STX8: variants seen among roughly 807,000 people sequenced by gnomAD.
STX8 encodes syntaxin 8, also known as syntaxin-8.
Under a neutral mutation model 37.5 loss-of-function variants are expected in STX8, and 23 were observed. The ratio of observed to expected loss-of-function variants is 0.61; its 90% confidence interval spans 0.44 to 0.87. The LOEUF (loss-of-function observed/expected upper bound fraction) is 0.87, where lower values mean the gene tolerates loss of function less well. STX8 is among the 40% of genes least tolerant of loss of function. STX8 has a pLI of 0.00. For synonymous variants in STX8, 115 were observed against 99.1 expected (o/e 1.16, Z -0.95); for missense variants, 313 against 284.7 (o/e 1.10, Z -0.71).
chr17:9,317,537 G>A (rs1324080483), intron 7 of STX8, among the ~76,000 whole-genome samples: 5 of 152,204 alleles, frequency 3.3e-5, no homozygotes, highest in Admixed American at 2.0e-4. Context: ...AGGCTGAGGC[G>A]GGCAGATCAC....
intron 6 of STX8, among the ~76,000 whole-genome samples, chr17:9,437,189 T>A (rs1904466799): frequency 6.6e-6 from 1 of 152,230 alleles, no homozygotes. Context: ...AAATATCGCG[T>A]TGCTTAAATA....
At chr17:9,339,584 G>A (rs975091687) in intron 7 of STX8, among the ~76,000 whole-genome samples, 2 of 152,112 alleles carry the variant, frequency 1.3e-5, no homozygotes, top group Admixed American at 6.5e-5. Flanking sequence ...AACCCAGGAG[G>A]TGGAGGTTGC....
In STX8 at chr17:9,571,486, G is replaced by GT. The variant is rs1339123438; in HGVS notation, c.18-3017dup. Among the ~76,000 whole-genome samples, 288 of 71,432 alleles carry GT rather than the reference G, an allele frequency of 4.0e-3. 1 individual carries two copies. Among genetic ancestry groups the GT allele is most frequent in the African/African-American group, 0.01 (271 of 26,726 alleles). 46.9% of individuals were successfully genotyped at this position (71,432 alleles called of 152,430 possible). The stretch of plus-strand genomic sequence containing the variant: ...GTACTAGTTTAGAAAAAGTAATTGG[G>GT]TCGGGGGGTGGCTGAGGCAGGAGAA... On this transcript the variant is annotated intron_variant, in intron 1 of 7. Transcript: ENST00000306357.
intron 2 of STX8, among the ~76,000 whole-genome samples, chr17:9,566,962 G>A (rs139082719): frequency 1.7e-3 from 263 of 152,310 alleles, no homozygotes; most frequent in Middle Eastern, 0.014. Flanking sequence ...TCGAGATCAT[G>A]TCCTTTGCAG....
chr17:9,411,680 G>A (rs1912983806), intron 6 of STX8, among the ~76,000 whole-genome samples: 1 of 152,156 alleles, frequency 6.6e-6, no homozygotes, highest in African/African-American at 2.4e-5. Context: ...ATTTCTGTCA[G>A]GAAGGGAGGG....
At chr17:9,250,900 G>A (rs893748043) in intron 7 of STX8, among the ~76,000 whole-genome samples, 16 of 152,122 alleles carry the variant, frequency 1.1e-4, no homozygotes, top group African/African-American at 3.4e-4. Context: ...CCAGGAGGGG[G>A]TGAGGCCCCT....
chr17:9,294,333 T>C (rs1196800342), intron 7 of STX8, among the ~76,000 whole-genome samples: 1 of 152,224 alleles, frequency 6.6e-6, no homozygotes, highest in Non-Finnish European at 1.5e-5. Flanking sequence ...TCTGAGCCCT[T>C]ACTATGTGCA....
At chr17:9,392,566 CACT>C (rs1167670643) in intron 6 of STX8, among the ~76,000 whole-genome samples, 1 of 152,124 alleles carries the variant, frequency 6.6e-6, no homozygotes, top group Non-Finnish European at 1.5e-5. Context: ...GTGACTGCAC[CACT>C]ACACTTCAGC....
intron 4 of STX8, among the ~76,000 whole-genome samples, chr17:9,512,943 A>C (rs1905061609): frequency 6.6e-6 from 1 of 152,196 alleles, no homozygotes; most frequent in Non-Finnish European, 1.5e-5. Flanking sequence ...AAAAACAAGG[A>C]AAACACTTCA....
chr17:9,477,585 A>G (rs1249643217), intron 6 of STX8, among the ~76,000 whole-genome samples: 1 of 152,256 alleles, frequency 6.6e-6, no homozygotes, highest in Non-Finnish European at 1.5e-5. Context: ...GAGCTGAGTA[A>G]TAAAATGGAT....
chr17:9,381,186 A>C lies in STX8; in HGVS notation c.542-2533T>G, dbSNP rs547891110. 5.3e-5 allele frequency among the ~76,000 whole-genome samples: 8 copies of C among 151,998 alleles called. No homozygotes were observed. In the South Asian group the frequency reaches 1.0e-3, roughly 20 times the overall value. On this transcript the variant is annotated intron_variant, in intron 6 of 7. Transcript: ENST00000306357. ...TCGCACAATGAGAAAACTACCTAAC[A>C]ACACATTTCTCAGAACATATCTCTG...
chr17:9,403,648 T>A (rs1435774581), intron 6 of STX8, among the ~76,000 whole-genome samples: 2 of 152,100 alleles, frequency 1.3e-5, no homozygotes, highest in Non-Finnish European at 2.9e-5. Context: ...CACTTTTTTT[T>A]TTTTATTTTT....
intron 7 of STX8, among the ~76,000 whole-genome samples, chr17:9,262,577 T>C (rs779258146): frequency 1.4e-5 from 2 of 146,000 alleles, no homozygotes. Flanking sequence ...TTTTTTTGTT[T>C]TGTTTTGTTT....
At chr17:9,521,712 A>C (rs1317936127) in intron 4 of STX8, among the ~76,000 whole-genome samples, 1 of 152,230 alleles carries the variant, frequency 6.6e-6, no homozygotes, top group Admixed American at 6.5e-5. Context: ...TACTCAAGGG[A>C]CAATAAATGC....
At chr17:9,320,969 C>G (rs532702969) in intron 7 of STX8, among the ~76,000 whole-genome samples, 1 of 149,308 alleles carries the variant, frequency 6.7e-6, no homozygotes, top group Admixed American at 6.7e-5. Flanking sequence ...AAACTTAACT[C>G]TAGTTAAATT....
chr17:9,353,666 A>G (rs1289508979), intron 7 of STX8, among the ~76,000 whole-genome samples: 1 of 152,214 alleles, frequency 6.6e-6, no homozygotes, highest in Non-Finnish European at 1.5e-5. Flanking sequence ...TAAACAATAA[A>G]TCTACTTAGT....
chr17:9,463,088 T>C (rs1905463647), intron 6 of STX8, among the ~76,000 whole-genome samples: 1 of 152,162 alleles, frequency 6.6e-6, no homozygotes, highest in South Asian at 2.1e-4. Context: ...TGAGGAAGAA[T>C]GTAAAAGAAT....
intron 7 of STX8, among the ~76,000 whole-genome samples, chr17:9,294,387 C>T (rs1386922400): frequency 6.6e-6 from 1 of 152,226 alleles, no homozygotes; most frequent in African/African-American, 2.4e-5. Flanking sequence ...GCTGGAAATA[C>T]AACAGAATCA....
intron 7 of STX8, among the ~76,000 whole-genome samples, chr17:9,377,342 C>T (rs938558700): frequency 2.0e-5 from 3 of 151,774 alleles, no homozygotes; most frequent in African/African-American, 7.3e-5. Context: ...ACTCTGTCAC[C>T]CAAGTGGAAG....
Sources: gnomAD v4.1 joint callset for allele counts (sites outside exome capture counted in the v4.1 genomes callset) on GRCh38, gnomAD v4.1.1 for gene constraint, MANE v1.5 for transcripts, NCBI Gene and HGNC (gene_info 2026-07-23, HGNC 2026-07-21) for gene names.